Variants in ZNF385D observed in about 807,000 individuals in gnomAD.
The protein encoded by ZNF385D is zinc finger protein 385D.
Under a neutral mutation model 35.8 loss-of-function variants are expected in ZNF385D, and 15 were observed. That is an observed-to-expected ratio of 0.42 (90% CI 0.28 to 0.64). The LOEUF (loss-of-function observed/expected upper bound fraction) is 0.64. Ranked by LOEUF, ZNF385D falls within the 30% of genes least tolerant of loss-of-function variation. The pLI is 0.23. For synonymous variants in ZNF385D, 212 were observed against 186.8 expected (o/e 1.13, Z -1.10); for missense variants, 474 against 494.6 (o/e 0.96, Z 0.39).
intron 3 of ZNF385D, among the ~76,000 whole-genome samples, chr3:21,818,126 A>G (rs865931207): frequency 2.0e-5 from 3 of 151,996 alleles, no homozygotes. Context: ...GGAATTCAAC[A>G]ATGAGAATAC....
At chr3:22,268,704 C>G (rs1701021402) in intron 2 of ZNF385D, among the ~76,000 whole-genome samples, 1 of 152,000 alleles carries the variant, frequency 6.6e-6, no homozygotes, top group African/African-American at 2.4e-5. Context: ...CTTAATCTAT[C>G]AAAAAGCTAT....
rs115352633 is a variant in ZNF385D, at chr3:22,362,148, A to G, written c.106+10302T>C. ...TACTTTTGTTAAGGGCAACTTTTTA[A>G]GAAAGGAATTCTTTTTCCTGGCTTT... is the stretch of plus-strand genomic sequence containing the variant. On this transcript the variant is annotated intron_variant, in intron 2 of 5. Transcript: ENST00000494108. Among the ~76,000 whole-genome samples the G allele has an allele frequency of 9.2e-3, 1,400 of 151,880 alleles. 17 individuals carry two copies. The highest frequency in any genetic ancestry group is 0.031 in the African/African-American group (1,304 of 41,510).
At chr3:22,008,578 G>A (rs554599647) in intron 3 of ZNF385D, among the ~76,000 whole-genome samples, 1 of 152,002 alleles carries the variant, frequency 6.6e-6, no homozygotes, top group Non-Finnish European at 1.5e-5. Context: ...GCATGGTCTC[G>A]ATCTCCTGAC....
chr3:22,172,007 C>T (rs1253613338), intron 2 of ZNF385D, among the ~76,000 whole-genome samples: 1 of 151,888 alleles, frequency 6.6e-6, no homozygotes, highest in Non-Finnish European at 1.5e-5. Context: ...AAACGACATG[C>T]TTAAATTTTT....
At chr3:22,041,941 C>A (rs1035599916) in intron 3 of ZNF385D, among the ~76,000 whole-genome samples, 4 of 152,032 alleles carry the variant, frequency 2.6e-5, no homozygotes, top group Non-Finnish European at 5.9e-5. Context: ...TTATACAAAG[C>A]AATTATTGGT....
At chr3:21,543,242 G>A (rs2062243113) in intron 3 of ZNF385D, among the ~76,000 whole-genome samples, 1 of 152,166 alleles carries the variant, frequency 6.6e-6, no homozygotes, top group Non-Finnish European at 1.5e-5. Context: ...AGCTGGCTGG[G>A]AGGCGGAGGT....
At chr3:21,875,262 T>A (rs1697905483) in intron 3 of ZNF385D, among the ~76,000 whole-genome samples, 1 of 152,030 alleles carries the variant, frequency 6.6e-6, no homozygotes, top group Non-Finnish European at 1.5e-5. Context: ...TTAACCTAAT[T>A]TCTTTGGTCA....
intron 3 of ZNF385D, among the ~76,000 whole-genome samples, chr3:21,852,452 G>A (rs1489192751): frequency 6.6e-6 from 1 of 151,840 alleles, no homozygotes; most frequent in African/African-American, 2.4e-5. Context: ...GTCACCTCTA[G>A]ACCTGTGGCT....
chr3:21,994,683 C>A (rs778355524), intron 3 of ZNF385D, among the ~76,000 whole-genome samples: 2 of 152,156 alleles, frequency 1.3e-5, no homozygotes, highest in Non-Finnish European at 2.9e-5. Flanking sequence ...TCTGGACTGG[C>A]TTTTACAGGG....
chr3:21,954,209 T>C (rs1386044181), intron 3 of ZNF385D, among the ~76,000 whole-genome samples: 4 of 151,874 alleles, frequency 2.6e-5, no homozygotes, highest in African/African-American at 9.7e-5. Flanking sequence ...TTCTTTGCTG[T>C]AACAAGGGTC....
chr3:21,546,067 T>G (rs1199491856), intron 3 of ZNF385D, among the ~76,000 whole-genome samples: 1 of 152,108 alleles, frequency 6.6e-6, no homozygotes, highest in East Asian at 1.9e-4. Flanking sequence ...CTATCATATT[T>G]TTTTTTTGGT....
At chr3:21,662,718 C>T (rs1458244668) in intron 2 of ZNF385D, among the ~76,000 whole-genome samples, 1 of 152,132 alleles carries the variant, frequency 6.6e-6, no homozygotes, top group Non-Finnish European at 1.5e-5. Context: ...GTTGGAGCAA[C>T]AGAGGGCCTC....
intron 2 of ZNF385D, among the ~76,000 whole-genome samples, chr3:22,191,705 C>G (rs1410772259): frequency 4.0e-5 from 6 of 151,760 alleles, no homozygotes; most frequent in Admixed American, 1.3e-4. Context: ...AGTACTTGTA[C>G]TTGTAAAACA....
At chr3:21,570,635 G>T (rs144370544) in intron 2 of ZNF385D, among the ~76,000 whole-genome samples, 3 of 152,248 alleles carry the variant, frequency 2.0e-5, no homozygotes, top group East Asian at 1.9e-4. Flanking sequence ...ACACTTACAG[G>T]CACTTTCTGT....
intron 3 of ZNF385D, among the ~76,000 whole-genome samples, chr3:21,794,071 G>A (rs1384175751): frequency 6.6e-6 from 1 of 152,140 alleles, no homozygotes; most frequent in East Asian, 1.9e-4. Context: ...GACCAGGGAT[G>A]TAAAAAACTA....
At chr3:21,753,513 G>C (rs1575592193), upstream of ZNF385D, among the ~76,000 whole-genome samples, 1 of 152,114 alleles carries the variant, frequency 6.6e-6, no homozygotes, top group African/African-American at 2.4e-5. Context: ...TGGCATTCCA[G>C]AAACAATTGA....
At chr3:21,520,941 C>T (rs1707865874) in intron 3 of ZNF385D, among the ~76,000 whole-genome samples, 1 of 152,150 alleles carries the variant, frequency 6.6e-6, no homozygotes, top group Non-Finnish European at 1.5e-5. Context: ...CATTTCCTCC[C>T]TACATAGTCA....
At chr3:22,281,046 G>A (rs771286352) in intron 2 of ZNF385D, among the ~76,000 whole-genome samples, 30 of 151,858 alleles carry the variant, frequency 2.0e-4, no homozygotes, top group Non-Finnish European at 3.2e-4. Context: ...GCTTGGTCAC[G>A]GTTGTATAGT....
intron 3 of ZNF385D, among the ~76,000 whole-genome samples, chr3:21,530,841 G>GGAGA (rs1438844766): frequency 3.3e-5 from 5 of 152,110 alleles, no homozygotes; most frequent in Non-Finnish European, 7.4e-5. Context: ...TGGGGTGTTA[G>GGAGA]GAGACCAAGA....
Sources: gnomAD v4.1 joint callset for allele counts (sites outside exome capture counted in the v4.1 genomes callset) on GRCh38, gnomAD v4.1.1 for gene constraint, MANE v1.5 for transcripts, NCBI Gene and HGNC (gene_info 2026-07-23, HGNC 2026-07-21) for gene names.